The following MYRIP variants were observed in gnomAD, a reference collection of about 807,000 sequenced individuals.
The protein encoded by MYRIP is rab effector MyRIP.
Under a neutral mutation model 98.0 loss-of-function variants are expected in MYRIP, and 49 were observed. The ratio of observed to expected loss-of-function variants is 0.50; its 90% CI spans 0.40 to 0.63. MYRIP has a LOEUF of 0.63. Ranked by LOEUF, MYRIP falls within the 30% of genes least tolerant of loss-of-function variation. The pLI is 0.00. For missense variants in MYRIP, 1,004 were observed against 1,058.2 expected (o/e 0.95, Z 0.71); for synonymous variants, 404 against 409.5 (o/e 0.99, Z 0.16).
At chr3:40,025,369 T>C (rs1211730837) in intron 2 of MYRIP, among the ~76,000 whole-genome samples, 1 of 152,154 alleles carries the variant, frequency 6.6e-6, no homozygotes, top group Admixed American at 6.5e-5. Flanking sequence ...TTTTTTTTTT[T>C]ATAACACCGT....
rs907742104 is a variant in MYRIP, at chr3:40,184,911, A to T, written c.1027+2538A>T. ...GCATCTCTCAGGATAAAGATTTAAA[A>T]TTTTTTAAAAAGGACTTGGGTGGAA... On this transcript the variant is annotated intron_variant, in intron 9 of 16. Coordinates refer to ENST00000302541, the MANE Select transcript of MYRIP (RefSeq NM_015460.4). Among the ~76,000 whole-genome samples the T allele has an allele frequency of 7.2e-5, 11 of 152,208 alleles. 1 individual carries two copies. The highest frequency in any genetic ancestry group is 1.9e-4 in the African/African-American group (8 of 41,440).
chr3:39,857,533 T>C (rs1205463899), intron 1 of MYRIP, among the ~76,000 whole-genome samples: 1 of 152,096 alleles, frequency 6.6e-6, no homozygotes, highest in Non-Finnish European at 1.5e-5. Context: ...GACAGGTCAA[T>C]TGAATTATCC....
intron 3 of MYRIP, among the ~76,000 whole-genome samples, chr3:40,078,591 A>T (rs548972891): frequency 6.6e-6 from 1 of 152,184 alleles, no homozygotes; most frequent in African/African-American, 2.4e-5. Context: ...GAGTGTACCT[A>T]TCCCAAACAC....
In MYRIP at chr3:40,192,441, A is replaced by G. The variant is rs543407803; in HGVS notation, c.1665+1978A>G. 6.6e-4 allele frequency among the ~76,000 whole-genome samples: 99 copies of G among 151,022 alleles called. 1 individual carries two copies. The highest frequency in any genetic ancestry group is 2.2e-3 in the African/African-American group (92 of 40,970). ...AAAATACTTAAAACATACAGATGCA[A>G]TTCCCCTTGACCACAACCCTAAATC... On this transcript the variant is annotated intron_variant, in intron 10 of 16. Transcript: ENST00000302541.
intron 3 of MYRIP, among the ~76,000 whole-genome samples, chr3:40,094,029 G>A (rs774865177): frequency 1.3e-5 from 2 of 151,922 alleles, no homozygotes; most frequent in Admixed American, 6.6e-5. Flanking sequence ...TATTTCCTCT[G>A]CCTGGAAAGT....
intron 2 of MYRIP, among the ~76,000 whole-genome samples, chr3:39,961,831 G>A (rs532599327): frequency 1.8e-4 from 28 of 152,180 alleles, no homozygotes; most frequent in Non-Finnish European, 3.5e-4. Context: ...CACATGTCTT[G>A]CATTAGGACC....
At chr3:40,232,246 A>T (rs1952683230) in intron 11 of MYRIP, among the ~76,000 whole-genome samples, 1 of 152,214 alleles carries the variant, frequency 6.6e-6, no homozygotes, top group East Asian at 1.9e-4. Flanking sequence ...GCTAAGGCTA[A>T]GGAGGAGCCC....
At chr3:39,810,841 C>T (rs1297847526) in intron 1 of MYRIP, 2 of 152,248 alleles carry the variant, frequency 1.3e-5, no homozygotes, top group Non-Finnish European at 2.9e-5. Flanking sequence ...CTAGGGACTT[C>T]CTAAGAGAAG....
At chr3:40,139,674 G>A (rs1353994455) in intron 3 of MYRIP, among the ~76,000 whole-genome samples, 5 of 152,124 alleles carry the variant, frequency 3.3e-5, no homozygotes, top group Admixed American at 6.6e-5. Context: ...CAAACTCCTG[G>A]TCTCAAGCAA....
At chr3:39,904,237 G>T (rs1943820899) in intron 2 of MYRIP, among the ~76,000 whole-genome samples, 1 of 151,912 alleles carries the variant, frequency 6.6e-6, no homozygotes, top group Non-Finnish European at 1.5e-5. Flanking sequence ...GTTTTTCTTT[G>T]TTTGTTGTTT....
At chr3:39,950,179 C>T (rs1417084259) in intron 2 of MYRIP, among the ~76,000 whole-genome samples, 1 of 152,058 alleles carries the variant, frequency 6.6e-6, no homozygotes, top group African/African-American at 2.4e-5. Context: ...GTGCTTTTTA[C>T]ACATATAACC....
intron 1 of MYRIP, among the ~76,000 whole-genome samples, chr3:39,841,239 G>T (rs948718837): frequency 1.6e-4 from 25 of 151,786 alleles, no homozygotes; most frequent in African/African-American, 5.8e-4. Flanking sequence ...TCTTCTGCTT[G>T]ATCAATTTGG....
chr3:40,258,116 T>G lies in MYRIP; in HGVS notation c.2548-18T>G. Reference sequence around the variant, plus strand: ...TTCCCAAGTGGCTGATGGGAGTGTGTTCAATGTCTCACCTCAGGAGCCTGC... The same window carrying G: ...TTCCCAAGTGGCTGATGGGAGTGTGGTCAATGTCTCACCTCAGGAGCCTGC... On this transcript the variant is annotated intron_variant, in intron 16 of 16. Coordinates refer to ENST00000302541, the MANE Select transcript of MYRIP (RefSeq NM_015460.4). 1.2e-6 allele frequency: 2 copies of G among 1,614,160 alleles called. No individual in the cohort carries two copies. The highest frequency in any genetic ancestry group is 1.7e-6 in the Non-Finnish European group (2 of 1,179,984).
chr3:39,966,421 A>G (rs1260491204), intron 2 of MYRIP, among the ~76,000 whole-genome samples: 1 of 152,222 alleles, frequency 6.6e-6, no homozygotes, highest in Non-Finnish European at 1.5e-5. Flanking sequence ...CAAGAATAAT[A>G]GTTTCTTAAA....
At chr3:40,123,562 G>A (rs74646281) in intron 3 of MYRIP, among the ~76,000 whole-genome samples, 65 of 152,286 alleles carry the variant, frequency 4.3e-4, no homozygotes, top group African/African-American at 1.4e-3. Flanking sequence ...CACTGTGCAT[G>A]GTTACCAAGT....
At chr3:39,962,532 C>G (rs1945348067) in intron 2 of MYRIP, among the ~76,000 whole-genome samples, 1 of 151,456 alleles carries the variant, frequency 6.6e-6, no homozygotes, top group Non-Finnish European at 1.5e-5. Context: ...TGAAAATTAT[C>G]TCTGGGTGAA....
At chr3:39,973,909 A>G (rs546511800) in intron 2 of MYRIP, among the ~76,000 whole-genome samples, 4 of 152,232 alleles carry the variant, frequency 2.6e-5, no homozygotes, top group African/African-American at 7.2e-5. Context: ...CAGTGTGTAG[A>G]GGGAAATTTA....
chr3:39,837,479 T>C (rs1175643220), intron 1 of MYRIP, among the ~76,000 whole-genome samples: 1 of 152,218 alleles, frequency 6.6e-6, no homozygotes, highest in East Asian at 1.9e-4. Context: ...GGGAATCCTT[T>C]CCCCATTGCT....
At chr3:40,249,670 C>T (rs1953314017) in intron 13 of MYRIP, among the ~76,000 whole-genome samples, 1 of 152,184 alleles carries the variant, frequency 6.6e-6, no homozygotes, top group Non-Finnish European at 1.5e-5. Flanking sequence ...TCTCTCTTGA[C>T]CTTCCCATGT....
Sources: allele counts gnomAD v4.1 joint callset (sites outside exome capture counted in the v4.1 genomes callset), GRCh38; gene constraint gnomAD v4.1.1; transcripts MANE v1.5; gene names NCBI Gene and HGNC (gene_info 2026-07-23, HGNC 2026-07-21).